KIF26B: variants seen among roughly 807,000 people sequenced by gnomAD.
KIF26B encodes kinesin-like protein KIF26B.
KIF26B carries 63 observed loss-of-function variants against 151.2 expected under a neutral mutation model. The observed-to-expected ratio is 0.42, with a 90% CI of 0.34 to 0.51. The LOEUF is 0.51. Ranked by LOEUF, KIF26B falls within the 20% of genes least tolerant of loss-of-function variation. KIF26B has a pLI of 0.07. For missense variants in KIF26B, 2,813 were observed against 2,913.6 expected, an observed-to-expected ratio of 0.97 and a Z score of 0.79; for synonymous variants, 1,357 against 1,262.1, an observed-to-expected ratio of 1.08 and a Z score of -1.59.
chr1:245,531,419 C>CT (rs928074782), intron 4 of KIF26B, among the ~76,000 whole-genome samples: 12 of 151,878 alleles, frequency 7.9e-5, no homozygotes, highest in Admixed American at 7.2e-4. Flanking sequence ...AGGCCTCGTT[C>CT]TTTTTTTTCA....
intron 4 of KIF26B, among the ~76,000 whole-genome samples, chr1:245,517,321 C>G (rs1343454698): frequency 6.6e-6 from 1 of 151,104 alleles, no homozygotes; most frequent in Non-Finnish European, 1.5e-5. Context: ...CAGCACTGCA[C>G]TCTAGCCTGG....
rs1428973287 is a variant in KIF26B, at chr1:245,239,334, A to G, written c.465+82651A>G. 1.3e-5 allele frequency among the ~76,000 whole-genome samples: 2 copies of G among 152,240 alleles called. No homozygotes were observed. The highest frequency in any genetic ancestry group is 3.8e-4 in the East Asian group (2 of 5,198). Reference sequence around the variant, plus strand: ...TAAAACAGGTCATGAGCCAATAAAAATGACCATCTGATTCACTTTCCAGAA... The same window carrying G: ...TAAAACAGGTCATGAGCCAATAAAAGTGACCATCTGATTCACTTTCCAGAA... On this transcript the variant is annotated intron_variant, in intron 2 of 14. Coordinates refer to ENST00000407071, the MANE Select transcript of KIF26B (RefSeq NM_018012.4). This position sits in a 1 kb window ranked among gnomAD's most constrained non-coding sequence, Gnocchi z 4.3.
chr1:245,681,693 A>G (rs2044441784), intron 10 of KIF26B, among the ~76,000 whole-genome samples: 1 of 152,246 alleles, frequency 6.6e-6, no homozygotes. Context: ...TGATGAGAAC[A>G]TTTAATGTAA....
At chr1:245,269,897 C>G (rs1670820229) in intron 2 of KIF26B, among the ~76,000 whole-genome samples, 1 of 152,130 alleles carries the variant, frequency 6.6e-6, no homozygotes, top group South Asian at 2.1e-4. Flanking sequence ...AACAGTGATG[C>G]AGCGAACATG....
At chr1:245,514,536 A>G (rs1267143961) in intron 4 of KIF26B, among the ~76,000 whole-genome samples, 2 of 151,806 alleles carry the variant, frequency 1.3e-5, no homozygotes, top group Non-Finnish European at 2.9e-5. Flanking sequence ...CATCTCAAAA[A>G]TAATAATAAT....
At chr1:245,679,457 GTTTTTTTTT>G (rs35663208) in intron 10 of KIF26B, among the ~76,000 whole-genome samples, 16 of 59,212 alleles carry the variant, frequency 2.7e-4, no homozygotes, top group East Asian at 1.2e-3. Context: ...TTTTGTGTGT[GTTTTTTTTT>G]TTTTTTTTTT....
intron 5 of KIF26B, among the ~76,000 whole-genome samples, chr1:245,577,316 T>C (rs988558564): frequency 9.2e-5 from 14 of 152,072 alleles, no homozygotes; most frequent in African/African-American, 3.4e-4. Flanking sequence ...AACAAAAATG[T>C]CCCCTGTCAC....
intron 4 of KIF26B, among the ~76,000 whole-genome samples, chr1:245,501,184 A>G (rs1037042136): frequency 1.3e-5 from 2 of 152,214 alleles, no homozygotes; most frequent in African/African-American, 4.8e-5. Context: ...GAGAGAGGAC[A>G]CTGCAACCAG....
At chr1:245,541,055 C>A in intron 5 of KIF26B, 105 bp downstream of exon 5, 1 of 945,974 alleles carries the variant, frequency 1.1e-6, no homozygotes, top group Non-Finnish European at 1.5e-6. Context: ...TAAGACGTTG[C>A]CAGGGAGAAA....
At chr1:245,325,920 T>A (rs886641676) in intron 2 of KIF26B, among the ~76,000 whole-genome samples, 5 of 152,080 alleles carry the variant, frequency 3.3e-5, no homozygotes, top group South Asian at 4.1e-4. Flanking sequence ...CTACTGCGTG[T>A]GAGGCTAAAT....
rs919873483 is a variant in KIF26B, at chr1:245,611,866, C to G, written c.1988C>G (p.Ser663Cys). The change falls in exon 9 of 15, where the codon TCC becomes TGC. Residue 663 changes from serine (S) to cysteine (C), a missense_variant. This residue lies in a region of KIF26B where 2,060 missense variants were observed against 2,088.6 expected (regional missense o/e 0.99). Transcript: ENST00000407071. ...AAFFLDAAIA[S>C]RRSHQQDCDE... is the part of the protein sequence containing the mutation. ...TTTTTCCTGGATGCCGCCATTGCCTCCCGCAGGAGCCACCAACAGGACTGT... is the reference window on the plus strand; with the variant it reads ...TTTTTCCTGGATGCCGCCATTGCCTGCCGCAGGAGCCACCAACAGGACTGT... The G allele has an allele frequency of 3.7e-6, 6 of 1,613,742 alleles. No homozygotes were observed. The highest frequency in any genetic ancestry group is 3.4e-6 in the Non-Finnish European group (4 of 1,179,892).
intron 2 of KIF26B, among the ~76,000 whole-genome samples, chr1:245,209,772 A>G (rs1669477213): frequency 6.6e-6 from 1 of 152,252 alleles, no homozygotes. Flanking sequence ...ACTGGAGATC[A>G]AAAGGGAAAT....
At chr1:245,683,658 G>C (rs2044468648) in intron 10 of KIF26B, among the ~76,000 whole-genome samples, 1 of 152,152 alleles carries the variant, frequency 6.6e-6, no homozygotes, top group South Asian at 2.1e-4. Flanking sequence ...TAGTCTTCAG[G>C]AATATGAATG....
chr1:245,574,824 A>C (rs1017079543), intron 5 of KIF26B, among the ~76,000 whole-genome samples: 11 of 149,508 alleles, frequency 7.4e-5, no homozygotes, highest in African/African-American at 2.7e-4. Context: ...TGTGCTCTTT[A>C]GGGAAGATTG....
chr1:245,318,480 G>C lies in KIF26B; in HGVS notation c.466-48354G>C, dbSNP rs1394705838. Among the ~76,000 whole-genome samples, 1 of 152,126 alleles carries C rather than the reference G, an allele frequency of 6.6e-6. No homozygotes were observed. Among genetic ancestry groups the C allele is most frequent in the Non-Finnish European group, 1.5e-5 (1 of 68,024 alleles). On this transcript the variant is annotated intron_variant, in intron 2 of 14. Transcript: ENST00000407071. The surrounding 1 kb of genome is among the most constrained non-coding windows in gnomAD (Gnocchi z 4.0). Reference sequence around the variant, plus strand: ...CCTGAGGAATATACAAGTTGATAGGGCTACTTGCCTTCTTGCTCATTAATA... The same window carrying C: ...CCTGAGGAATATACAAGTTGATAGGCCTACTTGCCTTCTTGCTCATTAATA...
chr1:245,685,668 C>A lies in KIF26B; in HGVS notation c.2685C>A (p.Ala895=). 1 of 1,613,228 alleles carries A rather than the reference C, an allele frequency of 6.2e-7. No individual in the cohort carries two copies. Among genetic ancestry groups the A allele is most frequent in the Non-Finnish European group, 8.5e-7 (1 of 1,179,826 alleles). Residue 895 remains alanine (A), a synonymous_variant, in exon 12 of 15, where the codon GCC becomes GCA. Coordinates refer to ENST00000407071, the MANE Select transcript of KIF26B (RefSeq NM_018012.4). The stretch of plus-strand genomic sequence containing the variant: ...CAGACTTTGTCCCTATCGTGCCAGC[C>A]CTGCAGAAGACCCGGGGCGACAGCC... ...GPPDFVPIVP[A]LQKTRGDSRP... is the part of the protein sequence containing the mutation.
intron 4 of KIF26B, among the ~76,000 whole-genome samples, chr1:245,424,238 C>T (rs1368408259): frequency 6.6e-6 from 1 of 151,994 alleles, no homozygotes; most frequent in Non-Finnish European, 1.5e-5. Context: ...TCGCTGCAAC[C>T]TCTGCCTCCC....
intron 3 of KIF26B, among the ~76,000 whole-genome samples, chr1:245,383,229 G>C (rs900297502): frequency 3.9e-5 from 6 of 151,942 alleles, no homozygotes; most frequent in African/African-American, 1.5e-4. Flanking sequence ...CAGTGGAATT[G>C]GTGAATTTAG....
chr1:245,529,426 C>T (rs1445316945), intron 4 of KIF26B, among the ~76,000 whole-genome samples: 2 of 152,186 alleles, frequency 1.3e-5, no homozygotes, highest in African/African-American at 2.4e-5. Flanking sequence ...ACTTCTGAGA[C>T]AAAAGCCCCC....
Sources: allele counts gnomAD v4.1 joint callset (sites outside exome capture counted in the v4.1 genomes callset), GRCh38; gene constraint gnomAD v4.1.1; regional missense constraint gnomAD v4.1.1; non-coding constraint Gnocchi (gnomAD v3.1); transcripts MANE v1.5; gene names NCBI Gene and HGNC (gene_info 2026-07-23, HGNC 2026-07-21).